TSHR: variants seen among roughly 807,000 people sequenced by gnomAD.
TSHR encodes thyroid stimulating hormone receptor, also known as thyrotropin receptor.
A neutral mutation model predicts 64.1 loss-of-function variants in TSHR; 51 were observed. The ratio of observed to expected loss-of-function variants is 0.80; its 90% CI spans 0.64 to 1.01. The LOEUF (loss-of-function observed/expected upper bound fraction) is 1.01. Ranked by LOEUF, TSHR falls within the 50% of genes least tolerant of loss-of-function variation. The pLI is 0.00. For missense variants in TSHR, 877 were observed against 942.8 expected (o/e 0.93, Z 0.91); for synonymous variants, 361 against 361.9 (o/e 1.00, Z 0.03).
At chr14:81,073,061 A>T (rs537322343) in intron 3 of TSHR, among the ~76,000 whole-genome samples, 1 of 142,648 alleles carries the variant, frequency 7.0e-6, no homozygotes, top group South Asian at 2.2e-4. Flanking sequence ...AAATGCACAC[A>T]GTAACTAAAA....
At chr14:81,104,785 T>A (rs1046087001) in intron 7 of TSHR, 1 of 985,428 alleles carries the variant, frequency 1.0e-6, no homozygotes, top group Non-Finnish European at 1.2e-6. Flanking sequence ...GGGCAGGGCT[T>A]CTTAACTCCA....
intron 3 of TSHR, among the ~76,000 whole-genome samples, chr14:81,083,861 AG>A (rs1888089789): frequency 6.6e-6 from 1 of 152,194 alleles, no homozygotes; most frequent in Admixed American, 6.5e-5. Context: ...GGAAGCAAAC[AG>A]GTTCTTTCTC....
At chr14:81,006,257 AAAC>A (rs1289575097) in intron 1 of TSHR, among the ~76,000 whole-genome samples, 1 of 152,228 alleles carries the variant, frequency 6.6e-6, no homozygotes, top group Non-Finnish European at 1.5e-5. Flanking sequence ...TGGGTGGCTT[AAAC>A]AACAACAGTT....
chr14:80,956,269 C>A (rs1467087339), intron 1 of TSHR, among the ~76,000 whole-genome samples: 1 of 152,028 alleles, frequency 6.6e-6, no homozygotes, highest in East Asian at 1.9e-4. Flanking sequence ...CTTTTTGTTT[C>A]TCTAGATGGG....
At chr14:81,014,157 T>A (rs1890061061) in intron 1 of TSHR, 1 of 152,134 alleles carries the variant, frequency 6.6e-6, no homozygotes, top group African/African-American at 2.4e-5. Flanking sequence ...TTGTGAGAGG[T>A]AGCTGTTTTT....
At chr14:81,059,247 A>G (rs1313620071) in intron 1 of TSHR, among the ~76,000 whole-genome samples, 1 of 152,194 alleles carries the variant, frequency 6.6e-6, no homozygotes, top group East Asian at 1.9e-4. Context: ...AGGGAAATAG[A>G]TACCTTAGAA....
At chr14:81,142,020 G>A (rs1313094865) in intron 9 of TSHR, among the ~76,000 whole-genome samples, 1 of 152,024 alleles carries the variant, frequency 6.6e-6, no homozygotes, top group East Asian at 1.9e-4. Context: ...CAAACTTCAT[G>A]GGCCTACCCA....
At chr14:81,051,570 G>A (rs1595004068) in intron 1 of TSHR, 1 of 152,098 alleles carries the variant, frequency 6.6e-6, no homozygotes, top group Non-Finnish European at 1.5e-5. Context: ...GGCATAGCTG[G>A]ATCATATGGT....
chr14:81,029,325 T>C lies in TSHR; in HGVS notation c.171-32823T>C, dbSNP rs547705796. ...TTAACTCAGTGTTATAAAACTGTTC[T>C]ATGATTTACTTTTGAGGATTATATA... On this transcript the variant is annotated intron_variant, in intron 1 of 9. Coordinates refer to ENST00000298171, the MANE Select transcript of TSHR (RefSeq NM_000369.5). 2.0e-5 allele frequency among the ~76,000 whole-genome samples: 3 copies of C among 152,142 alleles called. No homozygotes were observed. In the South Asian group the frequency reaches 6.2e-4, roughly 31 times the overall value.
chr14:81,081,988 AAAAG>A (rs1309979984), intron 3 of TSHR, among the ~76,000 whole-genome samples: 1 of 152,220 alleles, frequency 6.6e-6, no homozygotes, highest in African/African-American at 2.4e-5. Flanking sequence ...AATAAAATTA[AAAAG>A]AAAGAGAAAT....
chr14:81,083,927 A>T (rs1371140636), intron 3 of TSHR, among the ~76,000 whole-genome samples: 2 of 152,160 alleles, frequency 1.3e-5, no homozygotes, highest in Non-Finnish European at 2.9e-5. Flanking sequence ...CCCCTTATAA[A>T]ACCAGCAGAT....
chr14:80,983,455 T>C, intron 1 of TSHR: 1 of 1,326,792 alleles, frequency 7.5e-7, no homozygotes. Flanking sequence ...ATGAAGGCAC[T>C]GGCAGCATCA....
At position 81,068,235 on chromosome 14, in the gene TSHR, A is replaced by C; in HGVS notation, c.243-19A>C. On this transcript the variant is annotated intron_variant, in intron 2 of 9. Transcript: ENST00000298171. ...CCTTACTAACTTTCTACTTTGTCTT[A>C]TATTTTTCTGACATTCAGCTACGTA... 1.2e-6 allele frequency: 2 copies of C among 1,611,196 alleles called. No homozygotes were observed. The highest frequency in any genetic ancestry group is 1.7e-6 in the Non-Finnish European group (2 of 1,178,050).
intron 3 of TSHR, among the ~76,000 whole-genome samples, chr14:81,083,625 G>A (rs1018242101): frequency 5.9e-5 from 9 of 152,070 alleles, no homozygotes; most frequent in South Asian, 2.1e-4. Context: ...TGCATCACAC[G>A]AGTCAGTTAT....
chr14:81,021,408 G>A (rs938814898), intron 1 of TSHR, among the ~76,000 whole-genome samples: 9 of 152,078 alleles, frequency 5.9e-5, no homozygotes, highest in African/African-American at 1.9e-4. Flanking sequence ...TCATTACTAG[G>A]ATAAGGGGAA....
intron 8 of TSHR, among the ~76,000 whole-genome samples, chr14:81,112,178 G>C (rs1243055014): frequency 1.3e-5 from 2 of 152,096 alleles, no homozygotes; most frequent in African/African-American, 4.8e-5. Flanking sequence ...TAAGACCCAA[G>C]TCTCAGTTTT....
intron 8 of TSHR, among the ~76,000 whole-genome samples, chr14:81,125,034 T>C (rs1279164558): frequency 1.3e-5 from 2 of 152,178 alleles, no homozygotes; most frequent in East Asian, 3.8e-4. Flanking sequence ...CTCCAGTAGT[T>C]ATAAGGATAA....
chr14:81,048,881 CT>C, intron 1 of TSHR, among the ~76,000 whole-genome samples: 1 of 151,924 alleles, frequency 6.6e-6, no homozygotes, highest in East Asian at 1.9e-4. Flanking sequence ...TTTTATTTTT[CT>C]TTCTTAAATG....
rs1480930704 is a variant in TSHR at position 80,982,793 on chromosome 14, A to G, written c.170+26943A>G. 3.6e-6 allele frequency: 2 copies of G among 555,722 alleles called. 1 individual carries two copies. The highest frequency in any genetic ancestry group is 6.6e-5 in the East Asian group (2 of 30,152). The allele number at this position is 555,722 out of a possible 1,614,324, so 34.4% of individuals were successfully genotyped here. On this transcript the variant is annotated intron_variant, in intron 1 of 9. Transcript: ENST00000298171. The stretch of plus-strand genomic sequence containing the variant: ...GTGGCAACAGCCTGCCCTTGTAGGA[A>G]CACTAACTCATGCTCACAGCCCATC...
Sources: gnomAD v4.1 joint callset for allele counts (sites outside exome capture counted in the v4.1 genomes callset) on GRCh38, gnomAD v4.1.1 for gene constraint, MANE v1.5 for transcripts, NCBI Gene and HGNC (gene_info 2026-07-23, HGNC 2026-07-21) for gene names.